The following GYG2 variants were observed in gnomAD, a reference collection of about 807,000 sequenced individuals.
GYG2 encodes the protein glycogenin-2.
GYG2 carries 29 observed loss-of-function variants against 29.4 expected under a neutral mutation model. The ratio of observed to expected loss-of-function variants is 0.99; its 90% confidence interval spans 0.74 to 1.35. The LOEUF is 1.35. Ranked by LOEUF, GYG2 falls within the 40% of genes most tolerant of loss-of-function variation. The pLI is 0.00. For synonymous variants in GYG2, 167 were observed against 172.3 expected, an observed-to-expected ratio of 0.97 and a Z score of 0.24; for missense variants, 370 against 385.7, an observed-to-expected ratio of 0.96 and a Z score of 0.34.
At chrX:2,867,403 C>T (rs1234599216) in intron 8 of GYG2, among the ~76,000 whole-genome samples, 1 of 111,328 alleles carries the variant, frequency 9.0e-6, no homozygotes. Context: ...CAGACAGATC[C>T]AGCTCAGATG....
At chrX:2,843,823 G>T (rs932139030) in intron 3 of GYG2, among the ~76,000 whole-genome samples, 57 of 111,032 alleles carry the variant, frequency 5.1e-4, no homozygotes, top group African/African-American at 1.8e-3. Context: ...TGTATTTTTG[G>T]TAGAGACAGG....
At chrX:2,860,780 A>T (rs2088143870) in intron 7 of GYG2, among the ~76,000 whole-genome samples, 3 of 109,433 alleles carry the variant, frequency 2.7e-5, no homozygotes, top group Non-Finnish European at 3.8e-5. Context: ...CCCAGGCTGG[A>T]GTGCAGTGAC....
At chrX:2,844,304 A>G (rs1467738564) in intron 3 of GYG2, among the ~76,000 whole-genome samples, 1 of 111,850 alleles carries the variant, frequency 8.9e-6, no homozygotes, top group Admixed American at 9.5e-5. Flanking sequence ...AAATAACTCA[A>G]TCCGGGTACA....
At chrX:2,864,931 G>A (rs181094270) in intron 8 of GYG2, among the ~76,000 whole-genome samples, 1 of 110,456 alleles carries the variant, frequency 9.1e-6, no homozygotes. Context: ...GCTAATTTTT[G>A]TATTTTTAGT....
At chrX:2,865,535 A>T (rs1376506591) in intron 8 of GYG2, among the ~76,000 whole-genome samples, 3 of 111,401 alleles carry the variant, frequency 2.7e-5, no homozygotes, top group Non-Finnish European at 5.6e-5. Flanking sequence ...GCCACCTTTC[A>T]ATCAGAGCCA....
chrX:2,877,345 G>A (rs779151417), intron 10 of GYG2, 38 bp downstream of exon 10: 1 of 1,199,957 alleles, frequency 8.3e-7, no homozygotes, highest in South Asian at 1.8e-5. Context: ...AAGGCTCCCG[G>A]TGGGGGCCAT....
At chrX:2,829,516 A>C (rs1163852804) in intron 1 of GYG2, among the ~76,000 whole-genome samples, 2 of 23,023 alleles carry the variant, frequency 8.7e-5, no homozygotes, top group Non-Finnish European at 1.5e-4. Flanking sequence ...CGGGTCGGGG[A>C]GGAGGGGCGG....
chrX:2,835,105 G>C (rs954630150), intron 2 of GYG2, among the ~76,000 whole-genome samples: 7 of 111,427 alleles, frequency 6.3e-5, no homozygotes, highest in Non-Finnish European at 1.1e-4. Context: ...GTTGCGGGGG[G>C]TGGTGCCAGG....
intron 9 of GYG2, among the ~76,000 whole-genome samples, chrX:2,876,175 C>A (rs1170745655): frequency 3.9e-5 from 4 of 103,416 alleles, no homozygotes; most frequent in African/African-American, 1.4e-4. Context: ...TTTTCTTTTT[C>A]GTCATTTTGT....
intron 8 of GYG2, among the ~76,000 whole-genome samples, chrX:2,863,080 CTT>C (rs201819993): frequency 9.5e-5 from 9 of 94,259 alleles, no homozygotes; most frequent in Non-Finnish European, 1.3e-4. Flanking sequence ...AAAAAGAAAT[CTT>C]TTTTTTTTTT....
chrX:2,874,894 G>A (rs1390481904), intron 8 of GYG2, among the ~76,000 whole-genome samples: 5 of 111,541 alleles, frequency 4.5e-5, no homozygotes, highest in Non-Finnish European at 9.4e-5. Flanking sequence ...GGCTCATGTT[G>A]AGGCTCAACC....
At chrX:2,875,998 C>T in intron 9 of GYG2, 84 bp downstream of exon 9, 1 of 452,414 alleles carries the variant, frequency 2.2e-6, no homozygotes, top group Non-Finnish European at 3.6e-6. Context: ...CATTACATAC[C>T]AGTGGGGGCG....
intron 3 of GYG2, among the ~76,000 whole-genome samples, chrX:2,852,125 C>T (rs987012500): frequency 9.0e-6 from 1 of 111,067 alleles, no homozygotes; most frequent in African/African-American, 3.3e-5. Flanking sequence ...GGCATGGTGG[C>T]ATGCACTTGT....
chrX:2,833,401 G>A (rs970969245), intron 2 of GYG2, among the ~76,000 whole-genome samples: 17 of 110,895 alleles, frequency 1.5e-4, no homozygotes, highest in Middle Eastern at 4.6e-3. Flanking sequence ...CATCCTAGGC[G>A]TTTCAGGATG....
At chrX:2,852,928 T>G (rs1350455150) in intron 3 of GYG2, 2 of 112,610 alleles carry the variant, frequency 1.8e-5, no homozygotes, top group African/African-American at 6.4e-5. Context: ...TTAAAAATTC[T>G]AAATATCAAA....
At position 2,882,158 on chromosome X, in the gene GYG2, A is replaced by T. The variant is rs1337759402; in HGVS notation, c.*945A>T. 3 of 110,905 alleles carry T rather than the reference A, an allele frequency of 2.7e-5. No homozygotes were observed. Among genetic ancestry groups the T allele is most frequent in the African/African-American group, 9.8e-5 (3 of 30,493 alleles). 9.1% of individuals were successfully genotyped at this position (110,905 alleles called of 1,213,427 possible). On this transcript the variant is annotated 3_prime_UTR_variant, in exon 11 of 11. Coordinates refer to ENST00000398806, the MANE Select transcript of GYG2 (RefSeq NM_001079855.2). The stretch of plus-strand genomic sequence containing the variant: ...AAACTTTATTTCACGAGAAAGCCTC[A>T]TTGTCAGAAGTATCTTCATTCAATG...
chrX:2,863,511 G>A (rs2088224685), intron 8 of GYG2, among the ~76,000 whole-genome samples: 1 of 112,174 alleles, frequency 8.9e-6, no homozygotes, highest in African/African-American at 3.2e-5. Flanking sequence ...GATAGCTCCG[G>A]GAGAGCCGTT....
intron 3 of GYG2, among the ~76,000 whole-genome samples, chrX:2,843,994 C>A (rs905805698): frequency 8.9e-6 from 1 of 111,756 alleles, no homozygotes; most frequent in Non-Finnish European, 1.9e-5. Flanking sequence ...CTTTAATTCT[C>A]AAATAAAGCA....
chrX:2,831,260 C>T (rs2087257793), intron 2 of GYG2, among the ~76,000 whole-genome samples: 1 of 112,340 alleles, frequency 8.9e-6, no homozygotes, highest in African/African-American at 3.2e-5. Flanking sequence ...GAGACAGGGT[C>T]TTGCTATGTT....
Sources: allele counts gnomAD v4.1 joint callset (sites outside exome capture counted in the v4.1 genomes callset), GRCh38; gene constraint gnomAD v4.1.1; transcripts MANE v1.5; gene names NCBI Gene and HGNC (gene_info 2026-07-23, HGNC 2026-07-21).